MIB1: variants seen among roughly 807,000 people sequenced by gnomAD.
MIB1 encodes the protein MIB E3 ubiquitin protein ligase 1, also known as E3 ubiquitin-protein ligase MIB1.
In MIB1, 278 loss-of-function variants were observed where a neutral mutation model predicts 124.5. The ratio of observed to expected loss-of-function variants is 2.23; its 90% confidence interval spans 2.02 to 2.47. The LOEUF is 2.47. Among genes scored for constraint, MIB1 ranks in the 30% most tolerant of loss-of-function variants. MIB1 has a pLI of 0.00. For missense variants in MIB1, 957 were observed against 1,254.4 expected, an observed-to-expected ratio of 0.76 and a Z score of 3.58; for synonymous variants, 446 against 429.4, an observed-to-expected ratio of 1.04 and a Z score of -0.48.
At chr18:21,851,013 C>T (rs1245783561) in intron 17 of MIB1, among the ~76,000 whole-genome samples, 3 of 152,096 alleles carry the variant, frequency 2.0e-5, no homozygotes, top group Non-Finnish European at 2.9e-5. Flanking sequence ...AATGTGTAAT[C>T]TATTGGTAAA....
At chr18:21,733,188 T>C (rs1416906309) in intron 1 of MIB1, among the ~76,000 whole-genome samples, 1 of 152,254 alleles carries the variant, frequency 6.6e-6, no homozygotes, top group East Asian at 1.9e-4. Flanking sequence ...AAAGCTCTGC[T>C]CTTGTCTGCA....
chr18:21,825,483 A>G (rs2146485546), intron 12 of MIB1: 1 of 287,812 alleles, frequency 3.5e-6, no homozygotes, highest in South Asian at 2.8e-5. Flanking sequence ...CCAAGAGACC[A>G]TAATAAGTAA....
At chr18:21,756,174 C>T (rs983286218) in intron 1 of MIB1, among the ~76,000 whole-genome samples, 1 of 152,160 alleles carries the variant, frequency 6.6e-6, no homozygotes, top group African/African-American at 2.4e-5. Flanking sequence ...GAGCTCCAGT[C>T]ATGTGTCAGG....
At position 21,717,667 on chromosome 18, in the gene MIB1, A is replaced by G. The variant is rs112271918; in HGVS notation, n.167+12544A>G. Among the ~76,000 whole-genome samples the G allele has an allele frequency of 2.6e-4, 40 of 152,360 alleles. 1 individual carries two copies. The highest frequency in any genetic ancestry group is 9.1e-4 in the African/African-American group (38 of 41,588). ...AAAATCCTCAACATCACTAATGGTCAGGGAAATGCAAATCAAAAACACAAT... is the reference window on the plus strand; with the variant it reads ...AAAATCCTCAACATCACTAATGGTCGGGGAAATGCAAATCAAAAACACAAT... On this transcript the variant is annotated intron_variant and non_coding_transcript_variant, in intron 1 of 20. Transcript: ENST00000578646.
chr18:21,815,751 A>G lies in MIB1; in HGVS notation c.1615A>G (p.Asn539Asp). 1 of 1,614,176 alleles carries G rather than the reference A, an allele frequency of 6.2e-7. No individual in the cohort carries two copies. The highest frequency in any genetic ancestry group is 1.7e-5 in the Admixed American group (1 of 60,024). The part of the protein sequence containing the change: ...RRQTPLHIAV[N>D]KGHLQVVKTL... ...ACAGACACCACTTCATATTGCTGTCAATAAAGGTCATCTTCAAGTTGTGAA... is the reference window on the plus strand; with the variant it reads ...ACAGACACCACTTCATATTGCTGTCGATAAAGGTCATCTTCAAGTTGTGAA... Residue 539 changes from asparagine to aspartate, a missense_variant, in exon 11 of 21, where the codon AAT becomes GAT. Coordinates refer to ENST00000261537, the MANE Select transcript of MIB1 (RefSeq NM_020774.4).
chr18:21,777,348 A>T (rs1034147317), intron 4 of MIB1, among the ~76,000 whole-genome samples: 4 of 151,502 alleles, frequency 2.6e-5, no homozygotes, highest in African/African-American at 4.8e-5. Context: ...TGAACCCAGG[A>T]GGCGGAGGTT....
intron 1 of MIB1, among the ~76,000 whole-genome samples, chr18:21,755,463 C>T (rs2041021119): frequency 6.6e-6 from 1 of 151,972 alleles, no homozygotes; most frequent in Non-Finnish European, 1.5e-5. Flanking sequence ...TCCTGAGTAG[C>T]TAGGATTACA....
chr18:21,829,977 C>A (rs911807971), intron 12 of MIB1, among the ~76,000 whole-genome samples: 5 of 151,836 alleles, frequency 3.3e-5, no homozygotes, highest in Non-Finnish European at 7.4e-5. Flanking sequence ...TGGTAAGTAG[C>A]CTTCAGTTAT....
At chr18:21,815,041 AT>A (rs1442961282) in intron 10 of MIB1, among the ~76,000 whole-genome samples, 4 of 129,960 alleles carry the variant, frequency 3.1e-5, no homozygotes, top group African/African-American at 1.2e-4. Context: ...ATATATATAT[AT>A]ATATATATAT....
intron 1 of MIB1, among the ~76,000 whole-genome samples, chr18:21,750,702 G>T (rs1282275257): frequency 6.6e-6 from 1 of 152,076 alleles, no homozygotes; most frequent in African/African-American, 2.4e-5. Context: ...GACCTCAGGT[G>T]ATCCACCCGC....
chr18:21,783,182 G>T (rs1366892813), intron 6 of MIB1, among the ~76,000 whole-genome samples: 1 of 150,558 alleles, frequency 6.6e-6, no homozygotes, highest in African/African-American at 2.4e-5. Flanking sequence ...TGAATTTCTT[G>T]TAGGGAGCAC....
At chr18:21,778,425 A>C (rs1008735661) in intron 5 of MIB1, among the ~76,000 whole-genome samples, 1 of 152,156 alleles carries the variant, frequency 6.6e-6, no homozygotes, top group Non-Finnish European at 1.5e-5. Flanking sequence ...TTAACTGCAA[A>C]TTATATTGTT....
intron 12 of MIB1, among the ~76,000 whole-genome samples, chr18:21,823,761 T>G (rs1361932281): frequency 6.6e-6 from 1 of 152,150 alleles, no homozygotes; most frequent in Non-Finnish European, 1.5e-5. Context: ...ACAGTTTTGT[T>G]TTTTTTGAGA....
In MIB1 at chr18:21,803,989, A is replaced by G; in HGVS notation, c.1454A>G (p.Lys485Arg). Residue 485 changes from lysine to arginine, a missense_variant, in exon 10 of 21, where the codon AAG becomes AGG. Transcript: ENST00000261537. The part of the protein sequence containing the change: ...GHVDILKLLL[K>R]QNVDVEAEDK... ...GTTGACATTTTGAAGTTACTTTTGA[A>G]GCAAAACGTGGATGTCGAAGCAGAG... is the stretch of plus-strand genomic sequence containing the variant. 6.2e-7 allele frequency: 1 copy of G among 1,613,608 alleles called. No homozygotes were observed. Among genetic ancestry groups the G allele is most frequent in the Non-Finnish European group, 8.5e-7 (1 of 1,179,688 alleles).
At chr18:21,706,614 G>A (rs1187202887) in intron 1 of MIB1, among the ~76,000 whole-genome samples, 3 of 152,054 alleles carry the variant, frequency 2.0e-5, no homozygotes, top group Non-Finnish European at 2.9e-5. Context: ...CACTCTGAGC[G>A]CCGGCTGGCA....
intron 11 of MIB1, among the ~76,000 whole-genome samples, chr18:21,819,069 G>A (rs955175904): frequency 1.3e-5 from 2 of 152,042 alleles, no homozygotes; most frequent in South Asian, 4.1e-4. Context: ...ATAGAGTCTC[G>A]CTCTGTCACC....
At chr18:21,829,231 C>G (rs969189049) in intron 12 of MIB1, 3 of 335,420 alleles carry the variant, frequency 8.9e-6, no homozygotes, top group African/African-American at 6.8e-5. Flanking sequence ...ACAAGTTTAC[C>G]TGAAGCATGG....
chr18:21,829,383 TA>T (rs1203582109), intron 12 of MIB1: 1 of 179,244 alleles, frequency 5.6e-6, no homozygotes, highest in East Asian at 1.8e-4. Context: ...TTCGGAAACT[TA>T]AGATCAGCCT....
intron 3 of MIB1, among the ~76,000 whole-genome samples, chr18:21,769,981 A>G (rs926660902): frequency 6.6e-6 from 1 of 152,158 alleles, no homozygotes; most frequent in African/African-American, 2.4e-5. Flanking sequence ...AGGCGGGTGG[A>G]TCATTTGAGG....
Sources: gnomAD v4.1 joint callset for allele counts (sites outside exome capture counted in the v4.1 genomes callset) on GRCh38, gnomAD v4.1.1 for gene constraint, MANE v1.5 for transcripts, NCBI Gene and HGNC (gene_info 2026-07-23, HGNC 2026-07-21) for gene names.